SUGCT: variants seen among roughly 807,000 people sequenced by gnomAD.
SUGCT encodes the protein succinyl-CoA:glutarate-CoA transferase, also known as succinyl-CoA:glutarate CoA-transferase.
Under a neutral mutation model 55.0 loss-of-function variants are expected in SUGCT, and 41 were observed. The observed-to-expected ratio is 0.74, with a 90% confidence interval of 0.58 to 0.97. The LOEUF (loss-of-function observed/expected upper bound fraction) is 0.97, where lower values mean the gene tolerates loss of function less well. Among genes scored for constraint, SUGCT ranks in the 50% least tolerant of loss-of-function variants. The pLI is 0.00. For synonymous variants in SUGCT, 187 were observed against 200.4 expected (o/e 0.93, Z 0.56); for missense variants, 568 against 547.8 (o/e 1.04, Z -0.37).
the SUGCT span, among the ~76,000 whole-genome samples, chr7:40,891,484 G>T: frequency 1.3e-5 from 2 of 152,062 alleles, no homozygotes; most frequent in African/African-American, 4.8e-5. Context: ...AACCTTGCAA[G>T]CCAGGAGAAA....
the SUGCT span, among the ~76,000 whole-genome samples, chr7:40,977,632 T>G: frequency 6.6e-6 from 1 of 152,168 alleles, no homozygotes; most frequent in Non-Finnish European, 1.5e-5. Context: ...CGACCAGAAA[T>G]GGAAACCACT....
the SUGCT span, among the ~76,000 whole-genome samples, chr7:40,904,849 G>A: frequency 4.6e-4 from 70 of 152,248 alleles, no homozygotes; most frequent in African/African-American, 1.1e-3. Flanking sequence ...AAAACACATA[G>A]TTAACTTCCT....
intron 12 of SUGCT, among the ~76,000 whole-genome samples, chr7:40,742,682 G>A (rs1008876262): frequency 6.0e-5 from 9 of 150,816 alleles, no homozygotes; most frequent in Non-Finnish European, 8.9e-5. Flanking sequence ...ACCGGTTTGC[G>A]GACCCCTGAT....
At chr7:40,798,835 T>A (rs1248794974) in intron 13 of SUGCT, among the ~76,000 whole-genome samples, 1 of 152,178 alleles carries the variant, frequency 6.6e-6, no homozygotes. Context: ...CACTTAACAG[T>A]ACATTTTTTT....
At chr7:40,910,184 A>G in the SUGCT span, among the ~76,000 whole-genome samples, 5 of 151,832 alleles carry the variant, frequency 3.3e-5, no homozygotes, top group South Asian at 4.2e-4. Context: ...TGAAGGATCC[A>G]TGGAATAGAG....
the SUGCT span, among the ~76,000 whole-genome samples, chr7:40,990,771 A>G: frequency 6.6e-6 from 1 of 152,114 alleles, no homozygotes; most frequent in Non-Finnish European, 1.5e-5. Flanking sequence ...TTCACCTTTC[A>G]CTTTTATGTT....
intron 6 of SUGCT, among the ~76,000 whole-genome samples, chr7:40,220,606 G>A (rs1787965944): frequency 6.6e-6 from 1 of 152,130 alleles, no homozygotes. Flanking sequence ...GGGCTACAAG[G>A]AAAAGTACTC....
At chr7:40,217,489 G>T (rs1189464098) in intron 6 of SUGCT, 1 of 436,470 alleles carries the variant, frequency 2.3e-6, no homozygotes, top group South Asian at 1.6e-5. Context: ...TGGGATTACA[G>T]GAATGAGCCA....
chr7:40,196,047 A>G (rs1455561434), intron 6 of SUGCT, among the ~76,000 whole-genome samples: 1 of 152,176 alleles, frequency 6.6e-6, no homozygotes, highest in East Asian at 1.9e-4. Context: ...TTAAGATAAT[A>G]ACATAGGAAC....
At chr7:40,157,998 A>G (rs923300412) in intron 1 of SUGCT, among the ~76,000 whole-genome samples, 1 of 151,674 alleles carries the variant, frequency 6.6e-6, no homozygotes, top group Non-Finnish European at 1.5e-5. Context: ...CACGAGGTCA[A>G]GAGTTCAAGA....
chr7:40,417,170 A>T (rs1787050350), intron 9 of SUGCT, among the ~76,000 whole-genome samples: 1 of 151,560 alleles, frequency 6.6e-6, no homozygotes, highest in Non-Finnish European at 1.5e-5. Flanking sequence ...CATTTTATTC[A>T]TCCTGGCAGC....
At chr7:40,872,525 T>G in the SUGCT span, among the ~76,000 whole-genome samples, 1 of 152,188 alleles carries the variant, frequency 6.6e-6, no homozygotes, top group African/African-American at 2.4e-5. Context: ...TAGAGAACTA[T>G]AAGTTGTCCA....
At chr7:40,410,854 C>T (rs560701146) in intron 9 of SUGCT, among the ~76,000 whole-genome samples, 3 of 152,258 alleles carry the variant, frequency 2.0e-5, no homozygotes, top group Non-Finnish European at 4.4e-5. Context: ...CTAGGCCAGT[C>T]TGACTTTTAA....
At chr7:40,720,820 C>T (rs534270467) in intron 12 of SUGCT, among the ~76,000 whole-genome samples, 9 of 152,208 alleles carry the variant, frequency 5.9e-5, no homozygotes, top group Admixed American at 6.5e-5. Flanking sequence ...AAAAGATGCA[C>T]GGTGTTTTGA....
the SUGCT span, among the ~76,000 whole-genome samples, chr7:40,916,517 A>G: frequency 1.3e-5 from 2 of 152,324 alleles, no homozygotes; most frequent in African/African-American, 4.8e-5. Context: ...TGAAGCCAAT[A>G]CAGATGAAAA....
At chr7:40,928,089 C>T in the SUGCT span, among the ~76,000 whole-genome samples, 1 of 151,842 alleles carries the variant, frequency 6.6e-6, no homozygotes, top group Non-Finnish European at 1.5e-5. Flanking sequence ...CAAAGATATG[C>T]CTAGCTGTTG....
Position 40,493,907 on chromosome 7 carries a change from C to T in SUGCT, c.987-2377C>T, listed in dbSNP as rs557419536. Among the ~76,000 whole-genome samples, 19 of 152,270 alleles carry T rather than the reference C, an allele frequency of 1.2e-4. No individual in the cohort carries two copies. In the South Asian group the frequency reaches 1.7e-3, roughly 13 times the overall value. ...GTCCTCTGAGAGCAGTGGAATGCAACGATGTTCTGTCTCTCTCTGATTGAG... is the reference window on the plus strand; with the variant it reads ...GTCCTCTGAGAGCAGTGGAATGCAATGATGTTCTGTCTCTCTCTGATTGAG... On this transcript the variant is annotated intron_variant, in intron 11 of 13. Coordinates refer to ENST00000335693, the MANE Select transcript of SUGCT (RefSeq NM_001193313.2).
intron 7 of SUGCT, among the ~76,000 whole-genome samples, chr7:40,268,240 C>G (rs988050010): frequency 8.5e-5 from 13 of 152,136 alleles, no homozygotes; most frequent in African/African-American, 3.1e-4. Context: ...AACCTCTTAC[C>G]TATTTGTGGT....
chr7:40,952,202 A>G, the SUGCT span, among the ~76,000 whole-genome samples: 7,720 of 152,220 alleles, frequency 0.051, 289 homozygotes, highest in South Asian at 0.16. Flanking sequence ...CTTTACTATT[A>G]TGTAATGGTC....
Sources: gnomAD v4.1 joint callset for allele counts (sites outside exome capture counted in the v4.1 genomes callset) on GRCh38, gnomAD v4.1.1 for gene constraint, MANE v1.5 for transcripts, NCBI Gene and HGNC (gene_info 2026-07-23, HGNC 2026-07-21) for gene names.